B3GALT1: variants seen among roughly 807,000 people sequenced by gnomAD.
B3GALT1 encodes the protein UDP-Gal:betaGlcNAc beta 1,3-galactosyltransferase, polypeptide 1.
A neutral mutation model predicts 23.2 loss-of-function variants in B3GALT1; 10 were observed. That is an observed-to-expected ratio of 0.43 (90% CI 0.27 to 0.73). The LOEUF (loss-of-function observed/expected upper bound fraction) is 0.73. B3GALT1 is among the 30% of genes least tolerant of loss of function. B3GALT1 has a pLI of 0.21. For missense variants in B3GALT1, 299 were observed against 405.4 expected (o/e 0.74, Z 2.25); for synonymous variants, 156 against 141.5 (o/e 1.10, Z -0.73).
chr2:167,383,485 G>C (rs1405684438), intron 1 of B3GALT1, among the ~76,000 whole-genome samples: 1 of 152,110 alleles, frequency 6.6e-6, no homozygotes, highest in Non-Finnish European at 1.5e-5. Context: ...GGTGGTCACT[G>C]ACCTTCCTGA....
intron 2 of B3GALT1, among the ~76,000 whole-genome samples, chr2:167,567,630 A>G (rs1684195590): frequency 6.6e-6 from 1 of 152,074 alleles, no homozygotes; most frequent in African/African-American, 2.4e-5. Context: ...AGGTACAGAG[A>G]TTTGCCATGT....
intron 1 of B3GALT1, among the ~76,000 whole-genome samples, chr2:167,443,081 C>A (rs1444164350): frequency 1.3e-5 from 2 of 151,962 alleles, no homozygotes; most frequent in African/African-American, 2.4e-5. Context: ...CCAGTTTCAG[C>A]TTTCTACATA....
rs575935356 is a variant in B3GALT1, at chr2:167,601,808, G to T, written c.-409-45101G>T. ...TAAAATAATTTATCCACAACTGTAT[G>T]TGATTGTGTCAACCCTTCACTTCAA... On this transcript the variant is annotated intron_variant, in intron 2 of 4. Coordinates refer to ENST00000392690, the MANE Select transcript of B3GALT1 (RefSeq NM_020981.4). 2.0e-5 allele frequency among the ~76,000 whole-genome samples: 3 copies of T among 152,312 alleles called. No individual in the cohort carries two copies. In the South Asian group the frequency reaches 6.2e-4, roughly 32 times the overall value.
chr2:167,639,374 T>C (rs1685614070), intron 2 of B3GALT1, among the ~76,000 whole-genome samples: 1 of 151,976 alleles, frequency 6.6e-6, no homozygotes, highest in Admixed American at 6.6e-5. Flanking sequence ...TAGTAATGAG[T>C]TTGTATTCTT....
At position 167,322,226 on chromosome 2, in the gene B3GALT1, G is replaced by A. The variant is rs73015843; in HGVS notation, c.-511+28892G>A. Among the ~76,000 whole-genome samples the A allele has an allele frequency of 7.7e-3, 1,167 of 151,388 alleles. 14 individuals are homozygous for A. Among genetic ancestry groups the A allele is most frequent in the Non-Finnish European group, 0.013 (852 of 67,806 alleles). On this transcript the variant is annotated intron_variant, in intron 1 of 4. Coordinates refer to ENST00000392690, the MANE Select transcript of B3GALT1 (RefSeq NM_020981.4). The stretch of plus-strand genomic sequence containing the variant: ...CTGTTCTTCAACATGTTGTTAAAGG[G>A]ATTATTCTGATAAAATTGTCCCATA...
At chr2:167,536,952 C>A (rs1683439539) in intron 2 of B3GALT1, among the ~76,000 whole-genome samples, 1 of 152,106 alleles carries the variant, frequency 6.6e-6, no homozygotes, top group African/African-American at 2.4e-5. Context: ...TTGCTTCTTG[C>A]CCAACATGGG....
intron 3 of B3GALT1, among the ~76,000 whole-genome samples, chr2:167,681,307 TG>T (rs1299192410): frequency 6.6e-6 from 1 of 152,198 alleles, no homozygotes; most frequent in Non-Finnish European, 1.5e-5. Flanking sequence ...TTATTATTTT[TG>T]CCCTATCTCT....
At chr2:167,605,662 G>A (rs1332006077) in intron 2 of B3GALT1, among the ~76,000 whole-genome samples, 2 of 152,192 alleles carry the variant, frequency 1.3e-5, no homozygotes, top group Admixed American at 6.5e-5. Context: ...TATTCTTTTG[G>A]TCAAGGCAAG....
In B3GALT1 at chr2:167,569,934, A is replaced by T. The variant is rs1057181957; in HGVS notation, c.-409-76975A>T. Among the ~76,000 whole-genome samples the T allele has an allele frequency of 4.3e-4, 66 of 151,742 alleles. 1 individual carries two copies. The highest frequency in any genetic ancestry group is 7.4e-5 in the Non-Finnish European group (5 of 67,808). On this transcript the variant is annotated intron_variant, in intron 2 of 4. Coordinates refer to ENST00000392690, the MANE Select transcript of B3GALT1 (RefSeq NM_020981.4). ...TTATGTCTATTAATATGATCATGTG[A>T]TTTTTCTCTTTTAGCCTCTGTATGT...
intron 2 of B3GALT1, among the ~76,000 whole-genome samples, chr2:167,643,570 G>C (rs1685692328): frequency 6.6e-6 from 1 of 152,174 alleles, no homozygotes; most frequent in Non-Finnish European, 1.5e-5. Flanking sequence ...AATACAAAAG[G>C]AGAGGAAAAG....
chr2:167,322,530 C>G (rs1696829701), intron 1 of B3GALT1, among the ~76,000 whole-genome samples: 1 of 151,894 alleles, frequency 6.6e-6, no homozygotes, highest in Non-Finnish European at 1.5e-5. Context: ...CTGTAATAGA[C>G]TAAATAATTG....
At position 167,872,827 on chromosome 2, in the gene B3GALT1, A is replaced by G. The variant is rs965966939; in HGVS notation, c.*2807A>G. 6.6e-5 allele frequency: 10 copies of G among 152,190 alleles called. No individual in the cohort carries two copies. Among genetic ancestry groups the G allele is most frequent in the African/African-American group, 2.4e-4 (10 of 41,440 alleles). The allele number at this position is 152,190 out of a possible 1,614,324, so 9.4% of individuals were successfully genotyped here. A position where few individuals can be genotyped will look rare whatever the true frequency, so the allele number is the denominator to read the frequency against. On this transcript the variant is annotated 3_prime_UTR_variant, in exon 5 of 5. Coordinates refer to ENST00000392690, the MANE Select transcript of B3GALT1 (RefSeq NM_020981.4). ...AATATTCATCAAAGACCACATGTAT[A>G]TATTTTAAAGGCATTTTTTCTTCTC...
chr2:167,457,148 A>G (rs1018630742), intron 1 of B3GALT1, among the ~76,000 whole-genome samples: 4 of 152,034 alleles, frequency 2.6e-5, no homozygotes, highest in African/African-American at 9.7e-5. Flanking sequence ...TTTCTTGTTT[A>G]TCACAGTCAG....
intron 2 of B3GALT1, among the ~76,000 whole-genome samples, chr2:167,626,629 C>T (rs1490571284): frequency 1.3e-5 from 2 of 151,708 alleles, no homozygotes; most frequent in South Asian, 4.2e-4. Context: ...ATTTTTCCCT[C>T]TTAGTGGTTT....
intron 3 of B3GALT1, among the ~76,000 whole-genome samples, chr2:167,748,791 G>A (rs1040112842): frequency 3.3e-5 from 5 of 152,192 alleles, no homozygotes; most frequent in African/African-American, 7.2e-5. Flanking sequence ...GCCACAGACT[G>A]AGTGGATATT....
chr2:167,401,288 T>G (rs889332312), intron 1 of B3GALT1, among the ~76,000 whole-genome samples: 2 of 152,132 alleles, frequency 1.3e-5, no homozygotes. Flanking sequence ...ATAACCTAAA[T>G]TTTCAGCTCA....
chr2:167,804,954 G>T (rs1000568264), intron 3 of B3GALT1, among the ~76,000 whole-genome samples: 7 of 152,284 alleles, frequency 4.6e-5, no homozygotes, highest in Admixed American at 3.3e-4. Flanking sequence ...CAGTGTAAAA[G>T]TGTTCCTATT....
At chr2:167,597,005 A>G (rs951991422) in intron 2 of B3GALT1, among the ~76,000 whole-genome samples, 1 of 152,202 alleles carries the variant, frequency 6.6e-6, no homozygotes, top group African/African-American at 2.4e-5. Context: ...ATCCAAGGGC[A>G]TGCAATTAGT....
At chr2:167,840,108 C>T (rs1387559839) in intron 4 of B3GALT1, among the ~76,000 whole-genome samples, 2 of 152,174 alleles carry the variant, frequency 1.3e-5, no homozygotes, top group Non-Finnish European at 1.5e-5. Flanking sequence ...CCATTCAGGA[C>T]ATAGGCAGGG....
Sources: allele counts gnomAD v4.1 joint callset (sites outside exome capture counted in the v4.1 genomes callset), GRCh38; gene constraint gnomAD v4.1.1; transcripts MANE v1.5; gene names NCBI Gene and HGNC (gene_info 2026-07-23, HGNC 2026-07-21).